Variants in ZNF407 observed in about 807,000 individuals in gnomAD.
ZNF407 encodes the protein zinc finger protein 407.
A neutral mutation model predicts 131.2 loss-of-function variants in ZNF407; 17 were observed. That is an observed-to-expected ratio of 0.13 (90% CI 0.09 to 0.19). The LOEUF (loss-of-function observed/expected upper bound fraction) is 0.19, where lower values mean the gene tolerates loss of function less well. Ranked by LOEUF, ZNF407 falls within the 10% of genes least tolerant of loss-of-function variation. The pLI, the probability that ZNF407 is intolerant of heterozygous loss-of-function variation, is 1.00. For missense variants in ZNF407, 2,681 were observed against 2,830.6 expected (o/e 0.95, Z 1.20); for synonymous variants, 1,156 against 1,062.0 (o/e 1.09, Z -1.72).
intron 8 of ZNF407, among the ~76,000 whole-genome samples, chr18:75,021,030 G>T (rs1347490633): frequency 6.6e-6 from 1 of 152,070 alleles, no homozygotes; most frequent in African/African-American, 2.4e-5. Flanking sequence ...TTTCACACCA[G>T]CCATAGGAGG....
intron 4 of ZNF407, among the ~76,000 whole-genome samples, chr18:74,783,136 G>T (rs922829849): frequency 1.3e-5 from 2 of 152,062 alleles, no homozygotes; most frequent in Non-Finnish European, 2.9e-5. Context: ...CATTATCTCA[G>T]TCCTTCTTTG....
At chr18:74,847,464 AGTTATAAGG>A (rs1030549722) in intron 4 of ZNF407, among the ~76,000 whole-genome samples, 2 of 152,342 alleles carry the variant, frequency 1.3e-5, no homozygotes, top group African/African-American at 2.4e-5. Flanking sequence ...TTTGCTTTAA[AGTTATAAGG>A]GTCTAGGTTT....
chr18:74,693,251 G>A (rs1165081172), intron 3 of ZNF407, among the ~76,000 whole-genome samples: 3 of 152,162 alleles, frequency 2.0e-5, no homozygotes, highest in Non-Finnish European at 2.9e-5. Flanking sequence ...TGATGGGCTC[G>A]AGAAAAGTTA....
At chr18:74,628,676 C>G (rs1983909411) in intron 1 of ZNF407, among the ~76,000 whole-genome samples, 1 of 152,062 alleles carries the variant, frequency 6.6e-6, no homozygotes, top group Non-Finnish European at 1.5e-5. Context: ...GCCTTGAACT[C>G]CTGGACTCAA....
intron 4 of ZNF407, among the ~76,000 whole-genome samples, chr18:74,787,514 C>T (rs968028708): frequency 6.6e-6 from 1 of 152,156 alleles, no homozygotes; most frequent in African/African-American, 2.4e-5. Context: ...ACTTATGGCT[C>T]CTCTGCGGGG....
chr18:75,039,758 C>T (rs1420529575), intron 8 of ZNF407, among the ~76,000 whole-genome samples: 1 of 117,558 alleles, frequency 8.5e-6, no homozygotes, highest in Non-Finnish European at 1.7e-5. Flanking sequence ...CAGAGTCTTT[C>T]CTGACAATTT....
At chr18:74,808,489 T>G (rs920837425) in intron 4 of ZNF407, among the ~76,000 whole-genome samples, 1 of 152,352 alleles carries the variant, frequency 6.6e-6, no homozygotes, top group Non-Finnish European at 1.5e-5. Flanking sequence ...AATGACTTAC[T>G]GAGACTTTAA....
At chr18:74,600,334 C>G (rs751247119) in intron 1 of ZNF407, among the ~76,000 whole-genome samples, 2 of 152,204 alleles carry the variant, frequency 1.3e-5, no homozygotes, top group Non-Finnish European at 2.9e-5. Flanking sequence ...AATAGCCTGC[C>G]TAGAATTTTG....
At chr18:74,600,742 A>T (rs1367161752) in intron 1 of ZNF407, among the ~76,000 whole-genome samples, 2 of 152,214 alleles carry the variant, frequency 1.3e-5, no homozygotes, top group African/African-American at 4.8e-5. Context: ...TCCAAGCGTC[A>T]AAAGGTAATG....
In ZNF407 at chr18:74,632,410, T is replaced by C. The variant is rs764787764; in HGVS notation, c.1391T>C (p.Leu464Ser). The C allele has an allele frequency of 1.4e-5, 23 of 1,613,892 alleles. No homozygotes were observed. The South Asian group carries it at 2.3e-4, about 16-fold the overall frequency. The part of the protein sequence containing the change: ...SETQRMYMKH[L>S]RTQMKTHDAE... ...ACTCAGAGGATGTATATGAAACACT[T>C]GAGAACACAGATGAAAACACACGAT... is the stretch of plus-strand genomic sequence containing the variant. Residue 464 changes from leucine to serine, a missense_variant, in exon 2 of 9, where the codon TTG becomes TCG. Leu to Ser is a moderately radical substitution (Grantham distance 145, BLOSUM62 -2). Transcript: ENST00000299687.
chr18:75,016,171 C>T (rs543458612), intron 8 of ZNF407, among the ~76,000 whole-genome samples: 1 of 152,032 alleles, frequency 6.6e-6, no homozygotes, highest in East Asian at 1.9e-4. Flanking sequence ...TGAATGTTAG[C>T]GTGGTGGATG....
At chr18:74,885,893 A>G (rs753235681) in intron 6 of ZNF407, among the ~76,000 whole-genome samples, 1 of 152,288 alleles carries the variant, frequency 6.6e-6, no homozygotes, top group African/African-American at 2.4e-5. Flanking sequence ...ATTATTTCTG[A>G]CTTTGGATTA....
chr18:74,987,110 A>G (rs1017205501), intron 8 of ZNF407, among the ~76,000 whole-genome samples: 2 of 152,194 alleles, frequency 1.3e-5, no homozygotes, highest in African/African-American at 4.8e-5. Flanking sequence ...AACAGACAAA[A>G]TACATTAGCT....
intron 7 of ZNF407, among the ~76,000 whole-genome samples, chr18:74,919,837 A>C (rs1045263494): frequency 6.6e-6 from 1 of 152,204 alleles, no homozygotes; most frequent in African/African-American, 2.4e-5. Flanking sequence ...CAGGGCTTGC[A>C]TTTCTAATTC....
chr18:74,737,430 A>G (rs1444262540), intron 3 of ZNF407, among the ~76,000 whole-genome samples: 2 of 152,268 alleles, frequency 1.3e-5, no homozygotes, highest in East Asian at 1.9e-4. Context: ...TAATCAATAC[A>G]TAATTACACA....
intron 4 of ZNF407, among the ~76,000 whole-genome samples, chr18:74,789,534 G>T (rs1040024285): frequency 6.6e-6 from 1 of 152,160 alleles, no homozygotes; most frequent in African/African-American, 2.4e-5. Flanking sequence ...CAGCTGAACA[G>T]GCTGTGGCTG....
rs554982641 is a variant in ZNF407 at position 74,983,070 on chromosome 18, T to C, written c.5428+62378T>C. The stretch of plus-strand genomic sequence containing the variant: ...TTTCAAAAACCAAGCCAACTAGTTA[T>C]GCCATGTGGATCAAAGGGAGCAAAG... On this transcript the variant is annotated intron_variant, in intron 8 of 8. Coordinates refer to ENST00000299687, the MANE Select transcript of ZNF407 (RefSeq NM_017757.3). Among the ~76,000 whole-genome samples the C allele has an allele frequency of 7.9e-5, 12 of 152,376 alleles. No homozygotes were observed. In the South Asian group the frequency reaches 1.9e-3, roughly 24 times the overall value.
At chr18:74,840,619 T>C (rs1183860485) in intron 4 of ZNF407, among the ~76,000 whole-genome samples, 1 of 152,096 alleles carries the variant, frequency 6.6e-6, no homozygotes, top group African/African-American at 2.4e-5. Context: ...GCTCAGGCAC[T>C]CCTCCCACCT....
intron 3 of ZNF407, among the ~76,000 whole-genome samples, chr18:74,712,744 GGA>G (rs1323599310): frequency 2.6e-5 from 4 of 152,162 alleles, no homozygotes; most frequent in Non-Finnish European, 5.9e-5. Flanking sequence ...TCTGCAGTGG[GGA>G]AAGAGTATGA....
Sources: allele counts gnomAD v4.1 joint callset (sites outside exome capture counted in the v4.1 genomes callset), GRCh38; gene constraint gnomAD v4.1.1; transcripts MANE v1.5; gene names NCBI Gene and HGNC (gene_info 2026-07-23, HGNC 2026-07-21).